TOP2B: variants seen among roughly 807,000 people sequenced by gnomAD.
The protein encoded by TOP2B is DNA topoisomerase 2-beta.
Under a neutral mutation model 193.5 loss-of-function variants are expected in TOP2B, and 51 were observed. That is an observed-to-expected ratio of 0.26 (90% CI 0.21 to 0.33). The LOEUF is 0.33. Ranked by LOEUF, TOP2B falls within the 10% of genes least tolerant of loss-of-function variation. The probability of loss-of-function intolerance (pLI) is 1.00; values close to 1 mark genes in which losing one functional copy is unlikely to be tolerated. For synonymous variants in TOP2B, 634 were observed against 635.7 expected (o/e 1.00, Z 0.04); for missense variants, 1,378 against 1,909.3 (o/e 0.72, Z 5.19).
Position 25,624,329 on chromosome 3 carries a change from A to G in TOP2B, c.2463T>C (p.Ala821=), listed in dbSNP as rs777708462. 13 of 1,613,824 alleles carry G rather than the reference A, an allele frequency of 8.1e-6. No individual in the cohort carries two copies. In the Admixed American group the frequency reaches 1.2e-4, roughly 14 times the overall value. ...FGTRLHGGKD[A]ASPRYIFTML... ...TTGTGAAAATATAACGAGGGCTTGC[A>G]GCATCTTTGCCACCATGAAGCCGAG... Residue 821 remains alanine (A), a synonymous_variant, in exon 20 of 36, where the codon GCT becomes GCC. Coordinates refer to ENST00000264331, the MANE Select transcript of TOP2B (RefSeq NM_001330700.2).
Position 25,612,559 on chromosome 3 carries a change from C to T in TOP2B, c.3742G>A (p.Ala1248Thr), listed in dbSNP as rs761832827. 4 of 1,612,196 alleles carry T rather than the reference C, an allele frequency of 2.5e-6. No individual in the cohort carries two copies. The African/African-American group carries it at 5.3e-5, about 22-fold the overall frequency. ...TTTTTGCTGGCATCTGCCTTCATAG[C>T]TGTAATTTCAGGAATTATTCTTCTG... ...YGRRIIPEIT[A>T]MKADASKKLL... is the part of the protein sequence containing the mutation. Residue 1248 changes from alanine (A) to threonine (T), a missense_variant, in exon 28 of 36, where the codon GCT becomes ACT. By Grantham distance (58) the Ala-to-Thr change is moderately conservative (BLOSUM62 0). Around this residue, in one of 9 missense-constraint regions of TOP2B, gnomAD observed 556 missense variants for 584.2 expected, o/e 0.95. Transcript: ENST00000264331.
At chr3:25,627,978 T>C (rs996096096) in intron 15 of TOP2B, among the ~76,000 whole-genome samples, 2 of 151,268 alleles carry the variant, frequency 1.3e-5, no homozygotes, top group African/African-American at 4.9e-5. Flanking sequence ...TGAGAATCAC[T>C]TGAACACATG....
In TOP2B at chr3:25,609,573, T is replaced by C. The variant is rs780561278; in HGVS notation, c.3926A>G (p.Glu1309Gly). 2 of 1,606,608 alleles carry C rather than the reference T, an allele frequency of 1.2e-6. No homozygotes were observed. The highest frequency in any genetic ancestry group is 4.5e-5 in the East Asian group (2 of 44,792). Residue 1309 changes from glutamate (E) to glycine (G), a missense_variant, in exon 29 of 36, where the codon GAG (glutamate) becomes GGG (glycine). Transcript: ENST00000264331. Reference protein sequence around the residue: ...KGPKPKREKKEPGTRVRKTPT... With the variant: ...KGPKPKREKKGPGTRVRKTPT... The stretch of plus-strand genomic sequence containing the variant: ...AAACTATAATCATTTCTCACCAGGC[T>C]CCTTCTTCTCCCTCTTAGGTTTGGG...
intron 1 of TOP2B, among the ~76,000 whole-genome samples, chr3:25,657,538 C>T (rs1203655360): frequency 2.6e-5 from 4 of 152,174 alleles, no homozygotes; most frequent in Non-Finnish European, 5.9e-5. Flanking sequence ...AACTAGCAAA[C>T]TCCTATCTGC....
At position 25,642,365 on chromosome 3, in the gene TOP2B, G is replaced by C. The variant is rs1703289010; in HGVS notation, c.352C>G (p.Gln118Glu). The change falls in exon 4 of 36, where the codon CAG becomes GAG. Residue 118 changes from glutamine (Q) to glutamate (E), a missense_variant. Physicochemically the swap from Gln to Glu is conservative, Grantham distance 29 (BLOSUM62 2). Around this residue, in one of 9 missense-constraint regions of TOP2B, gnomAD observed 35 missense variants for 85.8 expected, o/e 0.41. Coordinates refer to ENST00000264331, the MANE Select transcript of TOP2B (RefSeq NM_001330700.2). Reference sequence around the variant, plus strand: ...ATACAAGTCATGTTCTTATCCCTCTGTTTATTGTCAGCAGCATTAACTACA... The same window carrying C: ...ATACAAGTCATGTTCTTATCCCTCTCTTTATTGTCAGCAGCATTAACTACA... ...EILVNAADNKQRDKNMTCIKV... is the reference protein window; with the variant it reads ...EILVNAADNKERDKNMTCIKV... The C allele has an allele frequency of 6.5e-7, 1 of 1,548,354 alleles. No homozygotes were observed. The highest frequency in any genetic ancestry group is 1.4e-5 in the African/African-American group (1 of 72,968).
Position 25,636,089 on chromosome 3 carries a change from T to G in TOP2B, c.699A>C (p.Glu233Asp), listed in dbSNP as rs746918200. Reference sequence around the variant, plus strand: ...GTTGGAATGTTATGCATGTGTAATCTTCACCATCAAAATGTTTAATTTTGG... The same window carrying G: ...GTTGGAATGTTATGCATGTGTAATCGTCACCATCAAAATGTTTAATTTTGG... The part of the protein sequence containing the change: ...SEAKIKHFDG[E>D]DYTCITFQPD... The change falls in exon 7 of 36, where the codon GAA (glutamate) becomes GAC (aspartate). Residue 233 changes from glutamate to aspartate, a missense_variant. By Grantham distance (45) the Glu-to-Asp change is conservative. Coordinates refer to ENST00000264331, the MANE Select transcript of TOP2B (RefSeq NM_001330700.2). 9.3e-6 allele frequency: 15 copies of G among 1,611,530 alleles called. No individual in the cohort carries two copies. The Admixed American group carries it at 2.3e-4, about 25-fold the overall frequency.
At chr3:25,652,264 C>T (rs1703613496) in intron 1 of TOP2B, among the ~76,000 whole-genome samples, 1 of 152,158 alleles carries the variant, frequency 6.6e-6, no homozygotes, top group South Asian at 2.1e-4. Flanking sequence ...ATGGATAGAA[C>T]AACCACACAG....
chr3:25,603,379 C>T (rs1164111006), intron 33 of TOP2B, among the ~76,000 whole-genome samples: 1 of 152,072 alleles, frequency 6.6e-6, no homozygotes, highest in Non-Finnish European at 1.5e-5. Flanking sequence ...GCTGGGACTA[C>T]AGGCATGCAT....
chr3:25,600,926 C>T (rs1269061537), intron 34 of TOP2B, among the ~76,000 whole-genome samples, 174 bp downstream of exon 34: 3 of 152,200 alleles, frequency 2.0e-5, no homozygotes, highest in African/African-American at 7.2e-5. Context: ...AACTAAATTG[C>T]TATGCCTCCT....
intron 1 of TOP2B, among the ~76,000 whole-genome samples, chr3:25,657,020 G>A (rs1186687924): frequency 6.6e-6 from 1 of 152,166 alleles, no homozygotes; most frequent in Non-Finnish European, 1.5e-5. Context: ...AAATAAGATT[G>A]GCAGCCTTGG....
intron 1 of TOP2B, among the ~76,000 whole-genome samples, chr3:25,662,433 T>C (rs1347368564): frequency 6.6e-6 from 1 of 152,248 alleles, no homozygotes; most frequent in Non-Finnish European, 1.5e-5. Flanking sequence ...TGATTATCTT[T>C]TTAATAAACT....
At chr3:25,654,920 G>A (rs6767974) in intron 1 of TOP2B, among the ~76,000 whole-genome samples, 87 of 152,248 alleles carry the variant, frequency 5.7e-4, no homozygotes, top group African/African-American at 2.0e-3. Flanking sequence ...ATAGATTAAA[G>A]ACCTAAAAGT....
intron 18 of TOP2B, among the ~76,000 whole-genome samples, chr3:25,625,220 T>C (rs1702763484): frequency 6.6e-6 from 1 of 152,174 alleles, no homozygotes; most frequent in South Asian, 2.1e-4. Context: ...AGGAAAACCC[T>C]TATAAAAAGC....
intron 22 of TOP2B, among the ~76,000 whole-genome samples, chr3:25,620,277 A>G (rs1430335862): frequency 6.6e-6 from 1 of 151,866 alleles, no homozygotes; most frequent in Non-Finnish European, 1.5e-5. Flanking sequence ...ACCCACTCAT[A>G]CTCTAAAGGG....
In TOP2B at chr3:25,664,451, A is replaced by G. The variant is rs897691425; in HGVS notation, c.-154T>C. On this transcript the variant is annotated 5_prime_UTR_variant, in exon 1 of 36. Transcript: ENST00000264331. ...GCCCCATCGCGAAGATCCGGAGCGG[A>G]CGTCCAGCCGAGCCCGCTGAGGAGG... is the stretch of plus-strand genomic sequence containing the variant. 4 of 1,246,148 alleles carry G rather than the reference A, an allele frequency of 3.2e-6. No individual in the cohort carries two copies. Among genetic ancestry groups the G allele is most frequent in the Non-Finnish European group, 4.0e-6 (4 of 997,888 alleles). 77.2% of individuals were successfully genotyped at this position (1,246,148 alleles called of 1,614,324 possible).
chr3:25,640,414 T>C (rs560970792), intron 4 of TOP2B, among the ~76,000 whole-genome samples: 1 of 152,272 alleles, frequency 6.6e-6, no homozygotes, highest in Admixed American at 6.5e-5. Context: ...CATCACCTTT[T>C]CTTCTTGGAA....
At chr3:25,636,211 T>G (rs1417509050) in intron 6 of TOP2B, 63 bp from the exon 7 acceptor site, 6 of 992,606 alleles carry the variant, frequency 6.0e-6, no homozygotes, top group Non-Finnish European at 8.8e-6. Context: ...ATATAAAGAC[T>G]ACACTCATTA....
chr3:25,640,640 G>A (rs552277801), intron 4 of TOP2B, among the ~76,000 whole-genome samples: 34 of 151,088 alleles, frequency 2.3e-4, no homozygotes, highest in Non-Finnish European at 4.4e-4. Flanking sequence ...AGAATTACTA[G>A]AATTATGTTG....
At chr3:25,607,451 C>T in intron 30 of TOP2B, 76 bp from the exon 31 acceptor site, 1 of 1,445,610 alleles carries the variant, frequency 6.9e-7, no homozygotes, top group East Asian at 2.5e-5. Flanking sequence ...ACTGATAAAG[C>T]ATTTGAAGTA....
Sources: gnomAD v4.1 joint callset for allele counts (sites outside exome capture counted in the v4.1 genomes callset) on GRCh38, gnomAD v4.1.1 for gene constraint, gnomAD v4.1.1 regional missense constraint, MANE v1.5 for transcripts, NCBI Gene and HGNC (gene_info 2026-07-23, HGNC 2026-07-21) for gene names.